The following FRMD5 variants were observed in gnomAD, a reference collection of about 807,000 sequenced individuals.
FRMD5 encodes FERM domain-containing protein 5.
In FRMD5, 20 loss-of-function variants were observed where a neutral mutation model predicts 69.0. The observed-to-expected ratio is 0.29, with a 90% CI of 0.20 to 0.42. FRMD5 has a LOEUF of 0.42. Ranked by LOEUF, FRMD5 falls within the 10% of genes least tolerant of loss-of-function variation. FRMD5 has a pLI of 1.00. For synonymous variants in FRMD5, 271 were observed against 260.1 expected, an observed-to-expected ratio of 1.04 and a Z score of -0.40; for missense variants, 595 against 708.6, an observed-to-expected ratio of 0.84 and a Z score of 1.82.
At chr15:44,122,595 A>C (rs993276416) in intron 1 of FRMD5, among the ~76,000 whole-genome samples, 1 of 151,880 alleles carries the variant, frequency 6.6e-6, no homozygotes. Context: ...AACAAAAACA[A>C]AAGATAATGG....
intron 4 of FRMD5, among the ~76,000 whole-genome samples, chr15:43,911,785 T>C (rs2089292768): frequency 6.6e-6 from 1 of 152,242 alleles, no homozygotes; most frequent in Non-Finnish European, 1.5e-5. Flanking sequence ...CCATTGTTTC[T>C]GTTTTCGGGC....
chr15:43,880,033 CAG>C (rs2088480972), intron 13 of FRMD5, among the ~76,000 whole-genome samples: 1 of 152,182 alleles, frequency 6.6e-6, no homozygotes, highest in African/African-American at 2.4e-5. Flanking sequence ...GGGCAAGGGA[CAG>C]AGGGGGCAGA....
intron 1 of FRMD5, among the ~76,000 whole-genome samples, chr15:44,020,778 A>G (rs779407602): frequency 6.6e-6 from 1 of 152,172 alleles, no homozygotes; most frequent in Non-Finnish European, 1.5e-5. Context: ...CAATAAATCA[A>G]GCCCTGATTT....
intron 1 of FRMD5, among the ~76,000 whole-genome samples, chr15:43,948,897 A>G (rs2089986108): frequency 6.6e-6 from 1 of 152,212 alleles, no homozygotes; most frequent in African/African-American, 2.4e-5. Flanking sequence ...TGAGATGAAA[A>G]TGAAAATGAC....
chr15:44,047,723 C>T (rs1892490273), intron 1 of FRMD5, among the ~76,000 whole-genome samples: 1 of 152,204 alleles, frequency 6.6e-6, no homozygotes, highest in South Asian at 2.1e-4. Flanking sequence ...CCTGCCAACA[C>T]ATTTCCTAAT....
intron 13 of FRMD5, among the ~76,000 whole-genome samples, chr15:43,877,053 TAGTG>T (rs1386697672): frequency 6.6e-6 from 1 of 152,176 alleles, no homozygotes; most frequent in East Asian, 1.9e-4. Flanking sequence ...TTTGGGCATA[TAGTG>T]AGTGAGCGCG....
chr15:44,111,266 A>AT (rs2076791702), intron 1 of FRMD5, among the ~76,000 whole-genome samples: 1 of 152,078 alleles, frequency 6.6e-6, no homozygotes, highest in Non-Finnish European at 1.5e-5. Flanking sequence ...TGCTTAGCTA[A>AT]TTTTTTCTTG....
At chr15:43,912,316 C>T (rs1280457396) in intron 4 of FRMD5, among the ~76,000 whole-genome samples, 1 of 152,130 alleles carries the variant, frequency 6.6e-6, no homozygotes, top group South Asian at 2.1e-4. Context: ...GGAAAAAAGA[C>T]ATCATGTAGA....
At chr15:43,938,898 G>T (rs1290093469) in intron 1 of FRMD5, among the ~76,000 whole-genome samples, 1 of 152,046 alleles carries the variant, frequency 6.6e-6, no homozygotes, top group Non-Finnish European at 1.5e-5. Context: ...GTCTCACCCT[G>T]TCACCCAGGC....
chr15:44,116,051 C>T (rs184985716), intron 1 of FRMD5, among the ~76,000 whole-genome samples: 1 of 152,150 alleles, frequency 6.6e-6, no homozygotes, highest in East Asian at 1.9e-4. Flanking sequence ...TATTTGATTG[C>T]CAGCCTTCCT....
At chr15:44,169,113 A>G (rs1334556867) in intron 1 of FRMD5, among the ~76,000 whole-genome samples, 1 of 152,222 alleles carries the variant, frequency 6.6e-6, no homozygotes, top group African/African-American at 2.4e-5. Flanking sequence ...TGCATCTAAT[A>G]AAATACTTAC....
At chr15:44,094,880 T>C (rs910570321) in intron 1 of FRMD5, among the ~76,000 whole-genome samples, 3 of 152,114 alleles carry the variant, frequency 2.0e-5, no homozygotes, top group Admixed American at 6.6e-5. Flanking sequence ...GGAAAATTCA[T>C]TGAGGGACAC....
chr15:44,176,393 T>C (rs1274586212), intron 1 of FRMD5, among the ~76,000 whole-genome samples: 1 of 152,170 alleles, frequency 6.6e-6, no homozygotes, highest in Non-Finnish European at 1.5e-5. Flanking sequence ...AAGTTGATCA[T>C]AGACCTAAAT....
chr15:43,873,642 A>G lies in FRMD5; in HGVS notation c.*243T>C. 1 of 1,487,150 alleles carries G rather than the reference A, an allele frequency of 6.7e-7. No individual in the cohort carries two copies. Among genetic ancestry groups the G allele is most frequent in the African/African-American group, 1.4e-5 (1 of 70,874 alleles). 92.1% of individuals were successfully genotyped at this position (1,487,150 alleles called of 1,614,324 possible). A position where few individuals can be genotyped will look rare whatever the true frequency, so the allele number is the denominator to read the frequency against. On this transcript the variant is annotated 3_prime_UTR_variant, in exon 14 of 14. Transcript: ENST00000417257. ...TGCAAATTGGAAAGATGAGAAACAG[A>G]GTCGCTGAGCCTTTCTTGAAATAAC... is the stretch of plus-strand genomic sequence containing the variant.
chr15:44,088,117 T>C (rs991576583), intron 1 of FRMD5, among the ~76,000 whole-genome samples: 2 of 152,174 alleles, frequency 1.3e-5, no homozygotes, highest in Non-Finnish European at 2.9e-5. Context: ...CTAGTTGAGA[T>C]AGGCAAAAAC....
At chr15:43,990,374 G>A (rs1889616656) in intron 1 of FRMD5, among the ~76,000 whole-genome samples, 1 of 152,148 alleles carries the variant, frequency 6.6e-6, no homozygotes, top group Admixed American at 6.5e-5. Context: ...CAATATCTCT[G>A]AGGTATGCCT....
At chr15:43,895,227 G>A (rs1254558807) in intron 7 of FRMD5, among the ~76,000 whole-genome samples, 3 of 152,368 alleles carry the variant, frequency 2.0e-5, no homozygotes, top group East Asian at 1.9e-4. Flanking sequence ...AAACGAAAAT[G>A]TGGGAAGTTA....
chr15:44,119,836 C>T (rs936009445), intron 1 of FRMD5, among the ~76,000 whole-genome samples: 3 of 151,732 alleles, frequency 2.0e-5, no homozygotes, highest in Admixed American at 6.6e-5. Flanking sequence ...GGGATCTTTG[C>T]CTGTTTTATT....
chr15:44,062,761 G>A (rs1893144703), intron 1 of FRMD5, among the ~76,000 whole-genome samples: 1 of 151,028 alleles, frequency 6.6e-6, no homozygotes. Context: ...ATTTATATAA[G>A]GGATTTTGGT....
Sources: gnomAD v4.1 joint callset for allele counts (sites outside exome capture counted in the v4.1 genomes callset) on GRCh38, gnomAD v4.1.1 for gene constraint, MANE v1.5 for transcripts, NCBI Gene and HGNC (gene_info 2026-07-23, HGNC 2026-07-21) for gene names.